Variants in LY96 observed in about 807,000 individuals in gnomAD.
LY96 encodes the protein lymphocyte antigen 96.
LY96 carries 18 observed loss-of-function variants against 18.9 expected under a neutral mutation model. The observed-to-expected ratio is 0.95, with a 90% confidence interval of 0.66 to 1.41. LY96 has a LOEUF of 1.41. Ranked by LOEUF, LY96 falls within the 40% of genes most tolerant of loss-of-function variation. The pLI is 0.00. For synonymous variants in LY96, 66 were observed against 62.6 expected, an observed-to-expected ratio of 1.06 and a Z score of -0.26; for missense variants, 175 against 182.4, an observed-to-expected ratio of 0.96 and a Z score of 0.23.
At chr8:74,073,587 G>A in the LY96 span, among the ~76,000 whole-genome samples, 1 of 152,226 alleles carries the variant, frequency 6.6e-6, no homozygotes, top group East Asian at 1.9e-4. Flanking sequence ...CCCACAACCT[G>A]TGGCTGCTCA....
At chr8:74,096,713 G>A in the LY96 span, among the ~76,000 whole-genome samples, 16 of 152,140 alleles carry the variant, frequency 1.1e-4, 1 homozygote, top group Admixed American at 1.0e-3. Flanking sequence ...TGTCTGTTTT[G>A]TACCCCAGCA....
rs140391578 is a variant in LY96 at position 74,010,680 on chromosome 8, TA to T, written c.331+561del. 2.9e-3 allele frequency among the ~76,000 whole-genome samples: 422 copies of T among 146,868 alleles called. 2 individuals carry two copies. The highest frequency in any genetic ancestry group is 9.4e-3 in the African/African-American group (379 of 40,166). ...AAGAATTAAATTTGAGAATGTATGTTAAAAAAAAAAGCCTAGTACAGTGTTC... is the reference window on the plus strand; with the variant it reads ...AAGAATTAAATTTGAGAATGTATGTTAAAAAAAAAGCCTAGTACAGTGTTC... On this transcript the variant is annotated intron_variant, in intron 3 of 4. Transcript: ENST00000284818.
the LY96 span, among the ~76,000 whole-genome samples, chr8:74,068,667 G>T: frequency 6.6e-6 from 1 of 152,080 alleles, no homozygotes; most frequent in South Asian, 2.1e-4. Flanking sequence ...ATGGCATTGT[G>T]GTTTCAATTT....
At chr8:74,002,168 G>T (rs1816311168) in intron 1 of LY96, among the ~76,000 whole-genome samples, 1 of 127,554 alleles carries the variant, frequency 7.8e-6, no homozygotes, top group Admixed American at 8.1e-5. Context: ...ACAGAGTCTT[G>T]CTCTTTTATC....
At chr8:74,070,499 T>C in the LY96 span, among the ~76,000 whole-genome samples, 2 of 152,362 alleles carry the variant, frequency 1.3e-5, no homozygotes, top group East Asian at 3.9e-4. Flanking sequence ...TGTAGACTTT[T>C]GGGTTTTTAT....
At chr8:74,008,256 A>G (rs749438242) in intron 2 of LY96, among the ~76,000 whole-genome samples, 1 of 152,204 alleles carries the variant, frequency 6.6e-6, no homozygotes, top group Non-Finnish European at 1.5e-5. Flanking sequence ...TGAAGACTGG[A>G]ATCTTGCTGT....
chr8:74,094,528 G>T, the LY96 span, among the ~76,000 whole-genome samples: 1 of 152,192 alleles, frequency 6.6e-6, no homozygotes, highest in East Asian at 1.9e-4. Flanking sequence ...TTTCAAATGT[G>T]CTACAAAGGT....
chr8:74,094,560 T>G, the LY96 span, among the ~76,000 whole-genome samples: 898 of 152,324 alleles, frequency 5.9e-3, 1 homozygote, highest in Non-Finnish European at 9.5e-3. Context: ...AAGGTTGAAT[T>G]ACTGTTATTT....
intron 3 of LY96, among the ~76,000 whole-genome samples, chr8:74,021,927 G>C (rs998111248): frequency 3.9e-4 from 59 of 152,054 alleles, no homozygotes; most frequent in Admixed American, 1.8e-3. Context: ...GTCATGGGGT[G>C]GGGGGCTGGG....
At chr8:74,065,892 T>C in the LY96 span, among the ~76,000 whole-genome samples, 1 of 152,336 alleles carries the variant, frequency 6.6e-6, no homozygotes, top group East Asian at 1.9e-4. Flanking sequence ...CCCTGAATTA[T>C]ATTGGTGAGT....
intron 1 of LY96, 72 bp downstream of exon 1, chr8:73,991,626 A>G (rs956306650): frequency 1.1e-5 from 10 of 898,930 alleles, no homozygotes; most frequent in East Asian, 9.9e-5. Context: ...AGAACCGTAC[A>G]CTGTTGTGGC....
the LY96 span, among the ~76,000 whole-genome samples, chr8:74,034,384 A>C: frequency 6.6e-6 from 1 of 152,256 alleles, no homozygotes; most frequent in South Asian, 2.1e-4. Flanking sequence ...AAAAAAAAAA[A>C]AATTCTTTAA....
At chr8:74,084,126 T>C in the LY96 span, among the ~76,000 whole-genome samples, 1 of 152,178 alleles carries the variant, frequency 6.6e-6, no homozygotes, top group Non-Finnish European at 1.5e-5. Context: ...TTCCTCGTGA[T>C]GTTTAACCTG....
At chr8:74,038,643 C>T in the LY96 span, among the ~76,000 whole-genome samples, 3,602 of 152,290 alleles carry the variant, frequency 0.024, 122 homozygotes, top group African/African-American at 0.08. Context: ...CCTACCGTCT[C>T]GGCTTCCCAA....
At chr8:74,009,786 G>T (rs551934385) in intron 2 of LY96, among the ~76,000 whole-genome samples, 2 of 152,258 alleles carry the variant, frequency 1.3e-5, no homozygotes, top group South Asian at 2.1e-4. Flanking sequence ...GTGGAACATT[G>T]TATTTGATTA....
At chr8:74,052,055 AAAAG>A in the LY96 span, among the ~76,000 whole-genome samples, 5 of 152,228 alleles carry the variant, frequency 3.3e-5, no homozygotes, top group African/African-American at 1.2e-4. Flanking sequence ...AAAACAAGAA[AAAAG>A]AAAGGAAAAA....
chr8:74,010,251 A>G, intron 3 of LY96, 122 bp downstream of exon 3: 1 of 916,906 alleles, frequency 1.1e-6, no homozygotes, highest in Non-Finnish European at 1.7e-6. Context: ...TTCCATCCAA[A>G]GTTTTTACTT....
chr8:74,082,760 C>A, the LY96 span, among the ~76,000 whole-genome samples: 1 of 151,184 alleles, frequency 6.6e-6, no homozygotes, highest in South Asian at 2.1e-4. Context: ...GGAGCATGGA[C>A]CGTCATGGCG....
chr8:73,995,686 C>A (rs1816112020), intron 1 of LY96, among the ~76,000 whole-genome samples: 3 of 151,966 alleles, frequency 2.0e-5, no homozygotes, highest in Admixed American at 1.3e-4. Flanking sequence ...TAGGCACATG[C>A]TTTCCTATGA....
Sources: allele counts gnomAD v4.1 joint callset (sites outside exome capture counted in the v4.1 genomes callset), GRCh38; gene constraint gnomAD v4.1.1; transcripts MANE v1.5; gene names NCBI Gene and HGNC (gene_info 2026-07-23, HGNC 2026-07-21).